The following ZDHHC9 variants were observed in gnomAD, a reference collection of about 807,000 sequenced individuals.
The protein encoded by ZDHHC9 is palmitoyltransferase ZDHHC9.
ZDHHC9 carries 3 observed loss-of-function variants against 26.6 expected under a neutral mutation model. The ratio of observed to expected loss-of-function variants is 0.11; its 90% CI spans 0.05 to 0.29. The LOEUF (loss-of-function observed/expected upper bound fraction) is 0.29, where lower values mean the gene tolerates loss of function less well. ZDHHC9 is among the 10% of genes least tolerant of loss of function. The pLI is 1.00. For missense variants in ZDHHC9, 146 were observed against 296.4 expected (o/e 0.49, Z 3.73); for synonymous variants, 111 against 109.4 (o/e 1.01, Z -0.09).
chrX:129,830,248 T>G (rs958572034), intron 3 of ZDHHC9, among the ~76,000 whole-genome samples: 4 of 111,745 alleles, frequency 3.6e-5, no homozygotes, highest in Non-Finnish European at 7.5e-5. Context: ...CCGGTTTGAA[T>G]TCTGGCTCTA....
chrX:129,811,301 T>C (rs1428505349), intron 9 of ZDHHC9, 105 bp downstream of exon 9: 5 of 711,941 alleles, frequency 7.0e-6, no homozygotes, highest in Non-Finnish European at 1.1e-5. Flanking sequence ...AAAGACCTAT[T>C]TGACACCAAG....
chrX:129,803,693 G>A lies in ZDHHC9; in HGVS notation c.*2677C>T, dbSNP rs771730887. On this transcript the variant is annotated 3_prime_UTR_variant, in exon 11 of 11. Coordinates refer to ENST00000357166, the MANE Select transcript of ZDHHC9 (RefSeq NM_016032.4). The stretch of plus-strand genomic sequence containing the variant: ...CTAGGGCCAGGAAGGCCTCAGAGCT[G>A]AATGGACATGAAGAAATGGCTCACC... 2 of 111,470 alleles carry A rather than the reference G, an allele frequency of 1.8e-5. No individual in the cohort carries two copies. Among genetic ancestry groups the A allele is most frequent in the South Asian group, 7.5e-4 (2 of 2,652 alleles). 9.2% of individuals were successfully genotyped at this position (111,470 alleles called of 1,213,427 possible).
At chrX:129,829,704 T>C (rs1436701328) in intron 3 of ZDHHC9, among the ~76,000 whole-genome samples, 1 of 111,791 alleles carries the variant, frequency 8.9e-6, no homozygotes, top group Non-Finnish European at 1.9e-5. Context: ...ATTCCTCTGG[T>C]CTCCTCAATT....
Position 129,829,099 on chromosome X carries a change from T to C in ZDHHC9, c.210A>G (p.Val70=), listed in dbSNP as rs774412637. Residue 70 remains valine, a synonymous_variant, in exon 4 of 11, where the codon GTA becomes GTG. Transcript: ENST00000357166. The part of the protein sequence containing the change: ...LAVQLSPAIP[V]FAAMLFLFSM... ...AGAAAAGGAAGAGCATGGCAGCAAA[T>C]ACAGGGATGGCAGGAGACAGCTGAA... is the stretch of plus-strand genomic sequence containing the variant. 1.7e-6 allele frequency: 2 copies of C among 1,211,255 alleles called. No homozygotes were observed. The highest frequency in any genetic ancestry group is 3.0e-5 in the East Asian group (1 of 33,836).
chrX:129,814,541 G>C, intron 6 of ZDHHC9, 117 bp downstream of exon 6: 1 of 1,063,076 alleles, frequency 9.4e-7, no homozygotes, highest in Admixed American at 2.2e-5. Flanking sequence ...TTTCTAACCT[G>C]TCCTAAAGTA....
chrX:129,803,349 TC>T lies in ZDHHC9; in HGVS notation c.*3020del, dbSNP rs940035360. 4.5e-5 allele frequency: 5 copies of T among 110,859 alleles called. No homozygotes were observed. The highest frequency in any genetic ancestry group is 1.6e-4 in the African/African-American group (5 of 30,441). 9.1% of individuals were successfully genotyped at this position (110,859 alleles called of 1,213,427 possible). ...TTCAAGGCTCCTTCATTAATTGGCTTCCCCCCAAAAGAAAGATTTCTTTATT... is the reference window on the plus strand; with the variant it reads ...TTCAAGGCTCCTTCATTAATTGGCTTCCCCCAAAAGAAAGATTTCTTTATT... On this transcript the variant is annotated 3_prime_UTR_variant, in exon 11 of 11. Transcript: ENST00000357166.
intron 4 of ZDHHC9, among the ~76,000 whole-genome samples, chrX:129,824,532 C>T (rs749388245): frequency 1.1e-4 from 12 of 111,326 alleles, no homozygotes; most frequent in East Asian, 2.8e-4. Context: ...TCAAGTGATC[C>T]GCCCGCCTCA....
chrX:129,813,874 C>CTGGTA, intron 6 of ZDHHC9, 149 bp from the exon 7 acceptor site: 1 of 519,577 alleles, frequency 1.9e-6, no homozygotes, highest in South Asian at 2.8e-5. Context: ...GGGTGAAGAG[C>CTGGTA]CTCATCTCCT....
rs1928392296 is a variant in ZDHHC9 at position 129,841,935 on chromosome X, A to G, written c.11T>C (p.Met4Thr). ...CCGTGTCACCTTCTTTCTCACCACC[A>G]TCACAGACATGATTGGAATTCCTGC... MSV[M>T]VVRKKVTRKW... Residue 4 changes from methionine (M) to threonine (T), a missense_variant, in exon 3 of 11, where the codon ATG becomes ACG. By Grantham distance (81) the Met-to-Thr change is moderately conservative. Transcript: ENST00000357166. The G allele has an allele frequency of 8.3e-7, 1 of 1,209,427 alleles. No individual in the cohort carries two copies. Among genetic ancestry groups the G allele is most frequent in the Admixed American group, 2.2e-5 (1 of 45,665 alleles).
intron 3 of ZDHHC9, among the ~76,000 whole-genome samples, chrX:129,830,708 A>T (rs1231395495): frequency 8.9e-6 from 1 of 111,785 alleles, no homozygotes; most frequent in Non-Finnish European, 1.9e-5. Context: ...TTACCTCATC[A>T]GCATGGGAAG....
chrX:129,839,536 A>G (rs900279372), intron 3 of ZDHHC9, among the ~76,000 whole-genome samples: 6 of 111,289 alleles, frequency 5.4e-5, no homozygotes, highest in African/African-American at 2.0e-4. Flanking sequence ...AGCAGCCCAC[A>G]TTCTGCTCCC....
chrX:129,812,777 C>G lies in ZDHHC9; in HGVS notation c.718G>C (p.Val240Leu), dbSNP rs770589013. ...LICFFTLWSV[V>L]GLTGFHTFLV... is the part of the protein sequence containing the mutation. ...AAAGTATGAAATCCAGTCAGTCCCA[C>G]GACGGACCAGAGTGTAAAGAAGCAA... The change falls in exon 8 of 11, where the codon GTG becomes CTG. Residue 240 changes from valine (V) to leucine (L), a missense_variant. Val to Leu is a conservative substitution (Grantham distance 32). This residue lies in a region of ZDHHC9 where 100 missense variants were observed against 250.0 expected (regional missense o/e 0.40). Transcript: ENST00000357166. 48 of 1,211,033 alleles carry G rather than the reference C, an allele frequency of 4.0e-5. No homozygotes were observed. The highest frequency in any genetic ancestry group is 5.3e-5 in the Non-Finnish European group (47 of 895,014).
chrX:129,825,065 G>A (rs1010524881), intron 4 of ZDHHC9, among the ~76,000 whole-genome samples: 1 of 111,942 alleles, frequency 8.9e-6, no homozygotes, highest in African/African-American at 3.3e-5. Context: ...CACTTTGGGA[G>A]GCTGAGGCAG....
chrX:129,811,062 A>G (rs1427297539), intron 9 of ZDHHC9, 61 bp from the exon 10 acceptor site: 1 of 1,044,668 alleles, frequency 9.6e-7, no homozygotes, highest in African/African-American at 1.9e-5. Context: ...CACCTGGCCT[A>G]CGGAATTTTG....
intron 3 of ZDHHC9, among the ~76,000 whole-genome samples, chrX:129,832,276 G>T (rs1016435308): frequency 9.0e-6 from 1 of 110,691 alleles, no homozygotes; most frequent in Non-Finnish European, 1.9e-5. Context: ...AATAAGCTAC[G>T]TGAAAGTTTG....
chrX:129,828,398 G>A (rs756122095), intron 4 of ZDHHC9, among the ~76,000 whole-genome samples: 8 of 109,738 alleles, frequency 7.3e-5, no homozygotes, highest in Admixed American at 6.8e-4. Flanking sequence ...CAAGGCGGGC[G>A]GATCACAAGG....
At chrX:129,813,603 G>A (rs1421200978) in intron 7 of ZDHHC9, 74 bp downstream of exon 7, 1 of 1,026,183 alleles carries the variant, frequency 9.7e-7, no homozygotes. Context: ...GATAGTGGGA[G>A]AACTGTGGGG....
At chrX:129,813,066 T>C (rs1442434755) in intron 7 of ZDHHC9, among the ~76,000 whole-genome samples, 1 of 112,222 alleles carries the variant, frequency 8.9e-6, no homozygotes, top group Non-Finnish European at 1.9e-5. Context: ...TGGAAGGGGA[T>C]GCATGGGAGG....
chrX:129,821,776 G>C (rs1384927690), intron 5 of ZDHHC9, among the ~76,000 whole-genome samples: 1 of 108,575 alleles, frequency 9.2e-6, no homozygotes, highest in Non-Finnish European at 1.9e-5. Context: ...ACAAAAATTA[G>C]CCGGGCGTGG....
Sources: gnomAD v4.1 joint callset for allele counts (sites outside exome capture counted in the v4.1 genomes callset) on GRCh38, gnomAD v4.1.1 for gene constraint, gnomAD v4.1.1 regional missense constraint, MANE v1.5 for transcripts, NCBI Gene and HGNC (gene_info 2026-07-23, HGNC 2026-07-21) for gene names.